The following KIF16B variants were observed in gnomAD, a reference collection of about 807,000 sequenced individuals.
KIF16B encodes the protein kinesin family member 16B.
A neutral mutation model predicts 156.3 loss-of-function variants in KIF16B; 98 were observed. The ratio of observed to expected loss-of-function variants is 0.63; its 90% CI spans 0.53 to 0.74. KIF16B has a LOEUF of 0.74. KIF16B is among the 30% of genes least tolerant of loss of function. The probability of loss-of-function intolerance (pLI) is 0.00; values close to 1 mark genes in which losing one functional copy is unlikely to be tolerated. For synonymous variants in KIF16B, 564 were observed against 583.7 expected, an observed-to-expected ratio of 0.97 and a Z score of 0.49; for missense variants, 1,421 against 1,606.5, an observed-to-expected ratio of 0.88 and a Z score of 1.97.
At chr20:16,470,486 T>A (rs2067630483) in intron 12 of KIF16B, among the ~76,000 whole-genome samples, 1 of 152,040 alleles carries the variant, frequency 6.6e-6, no homozygotes, top group African/African-American at 2.4e-5. Context: ...TTGTTCTTTT[T>A]GTTTTGTTTT....
chr20:16,365,816 C>T (rs915475228), intron 22 of KIF16B, among the ~76,000 whole-genome samples: 4 of 152,144 alleles, frequency 2.6e-5, no homozygotes, highest in Non-Finnish European at 5.9e-5. Flanking sequence ...ATAGAAAATG[C>T]CCCTTCCATG....
intron 14 of KIF16B, 42 bp downstream of exon 14, chr20:16,428,911 T>C (rs1393900472): frequency 3.8e-6 from 6 of 1,567,732 alleles, no homozygotes; most frequent in Non-Finnish European, 4.4e-6. Context: ...GAATACAACC[T>C]TAAAAAATCA....
rs71192333 is a variant in KIF16B, at chr20:16,440,533, GCACACACACACACACACACACA to G, written c.1303-10573_1303-10552del. Reference sequence around the variant, plus strand: ...CTATGGTTAAAACACACAAGCGCGCGCACACACACACACACACACACACACACACACACACACACACACACAC... The same window carrying G: ...CTATGGTTAAAACACACAAGCGCGCGCACACACACACACACACACACACAC... On this transcript the variant is annotated intron_variant, in intron 12 of 25. Transcript: ENST00000354981. Among the ~76,000 whole-genome samples the G allele has an allele frequency of 5.0e-3, 695 of 138,350 alleles. 10 individuals carry two copies. Among genetic ancestry groups the G allele is most frequent in the African/African-American group, 0.016 (598 of 37,454 alleles). 90.8% of individuals were successfully genotyped at this position (138,350 alleles called of 152,430 possible).
At chr20:16,409,564 A>G (rs1419009447) in intron 15 of KIF16B, among the ~76,000 whole-genome samples, 12 of 152,116 alleles carry the variant, frequency 7.9e-5, no homozygotes, top group Non-Finnish European at 1.5e-5. Context: ...AATATGGCTA[A>G]GCAAGCCAGG....
intron 12 of KIF16B, among the ~76,000 whole-genome samples, chr20:16,444,883 C>G (rs963957423): frequency 6.6e-6 from 1 of 152,036 alleles, no homozygotes; most frequent in South Asian, 2.1e-4. Context: ...ATGTCAGAAA[C>G]AACAAAAAAA....
intron 1 of KIF16B, among the ~76,000 whole-genome samples, chr20:16,572,560 A>G (rs2071494288): frequency 6.6e-6 from 1 of 152,282 alleles, no homozygotes; most frequent in African/African-American, 2.4e-5. Context: ...GCTATTTTTC[A>G]GTGAATGAAG....
rs2063417869 is a variant in KIF16B at position 16,298,072 on chromosome 20, C to T, written c.3795+14263G>A. Among the ~76,000 whole-genome samples, 3 of 152,210 alleles carry T rather than the reference C, an allele frequency of 2.0e-5. No homozygotes were observed. In the South Asian group the frequency reaches 6.2e-4, roughly 32 times the overall value. ...GGCTTGTGGAATCTGGCTTTTCCTT[C>T]CTTGTCTACCCTCAACCACCAATCT... On this transcript the variant is annotated intron_variant, in intron 25 of 25. Transcript: ENST00000354981.
At chr20:16,273,739 G>T (rs2063017828) in intron 25 of KIF16B, among the ~76,000 whole-genome samples, 1 of 151,938 alleles carries the variant, frequency 6.6e-6, no homozygotes, top group Non-Finnish European at 1.5e-5. Context: ...GTCAAGAAGA[G>T]AAAAAATTTC....
Position 16,404,897 on chromosome 20 carries a change from C to G in KIF16B, c.1700G>C (p.Gly567Ala), listed in dbSNP as rs1056492267. The change falls in exon 17 of 26, where the codon GGC (glycine) becomes GCC (alanine). Residue 567 changes from glycine (G) to alanine (A), a missense_variant. Coordinates refer to ENST00000354981, the MANE Select transcript of KIF16B (RefSeq NM_024704.5). ...AAKLREKRKSGLLSSFSLSMT... is the reference protein window; with the variant it reads ...AAKLREKRKSALLSSFSLSMT... ...GGACAAGCTGAAGGAGGACAGAAGG[C>G]CACTCTAAGGGCAGACACAGGGCAG... The G allele has an allele frequency of 6.2e-7, 1 of 1,612,528 alleles. No homozygotes were observed. The highest frequency in any genetic ancestry group is 1.3e-5 in the African/African-American group (1 of 74,856).
chr20:16,403,441 G>A (rs1446368923), intron 17 of KIF16B, among the ~76,000 whole-genome samples: 5 of 152,188 alleles, frequency 3.3e-5, no homozygotes, highest in Admixed American at 1.3e-4. Context: ...CCATTTCAGA[G>A]GTCTGATTGA....
intron 12 of KIF16B, among the ~76,000 whole-genome samples, chr20:16,444,654 T>C (rs1218672563): frequency 6.6e-6 from 1 of 152,216 alleles, no homozygotes; most frequent in Admixed American, 6.5e-5. Flanking sequence ...TGCTAAAAAA[T>C]GTTCATAGTT....
At position 16,286,171 on chromosome 20, in the gene KIF16B, A is replaced by AT. The variant is rs1480832873; in HGVS notation, c.3796-12761dup. Among the ~76,000 whole-genome samples, 3 of 152,364 alleles carry AT rather than the reference A, an allele frequency of 2.0e-5. No homozygotes were observed. The East Asian group carries it at 5.8e-4, about 29-fold the overall frequency. On this transcript the variant is annotated intron_variant, in intron 25 of 25. Coordinates refer to ENST00000354981, the MANE Select transcript of KIF16B (RefSeq NM_024704.5). ...TAGGTACTCAGTCAATATTTGTTGAATGAAATAATGAAGAATGAAGATTAT... is the reference window on the plus strand; with the variant it reads ...TAGGTACTCAGTCAATATTTGTTGAATTGAAATAATGAAGAATGAAGATTAT...
At chr20:16,504,636 A>T in intron 9 of KIF16B, 89 bp from the exon 10 acceptor site, 2 of 1,079,816 alleles carry the variant, frequency 1.9e-6, no homozygotes, top group Non-Finnish European at 2.8e-6. Context: ...AGTCAGATTA[A>T]CCCCAGGTCA....
At chr20:16,297,220 G>GT (rs2063400564) in intron 25 of KIF16B, among the ~76,000 whole-genome samples, 2 of 152,144 alleles carry the variant, frequency 1.3e-5, no homozygotes, top group South Asian at 2.1e-4. Context: ...ACATGAATCA[G>GT]GTCTCTCCCC....
intron 12 of KIF16B, among the ~76,000 whole-genome samples, chr20:16,458,967 C>A (rs1028213852): frequency 3.0e-4 from 45 of 152,236 alleles, no homozygotes; most frequent in Admixed American, 2.4e-3. Flanking sequence ...AACTAATATC[C>A]AGTCTGCTCA....
At chr20:16,406,043 A>T (rs1394895476) in intron 16 of KIF16B, among the ~76,000 whole-genome samples, 1 of 152,186 alleles carries the variant, frequency 6.6e-6, no homozygotes, top group Non-Finnish European at 1.5e-5. Context: ...ATGTTGGGTT[A>T]ATTCCTAACA....
intron 12 of KIF16B, among the ~76,000 whole-genome samples, chr20:16,484,032 G>A (rs778144688): frequency 1.3e-5 from 2 of 151,812 alleles, no homozygotes; most frequent in African/African-American, 2.4e-5. Context: ...TTTCCTCTCT[G>A]ACCGTAGCAA....
At chr20:16,413,194 ACTT>A (rs2066001752) in intron 15 of KIF16B, among the ~76,000 whole-genome samples, 1 of 152,120 alleles carries the variant, frequency 6.6e-6, no homozygotes, top group South Asian at 2.1e-4. Flanking sequence ...TGAAATAATG[ACTT>A]CTTTGAGATT....
chr20:16,496,848 C>T (rs1399241395), intron 11 of KIF16B, among the ~76,000 whole-genome samples: 3 of 152,154 alleles, frequency 2.0e-5, no homozygotes, highest in Non-Finnish European at 4.4e-5. Context: ...GATGTGTCAA[C>T]AAGTTCCTAA....
Sources: allele counts gnomAD v4.1 joint callset (sites outside exome capture counted in the v4.1 genomes callset), GRCh38; gene constraint gnomAD v4.1.1; transcripts MANE v1.5; gene names NCBI Gene and HGNC (gene_info 2026-07-23, HGNC 2026-07-21).